Variants in HIVEP3 observed in about 807,000 individuals in gnomAD.
The protein encoded by HIVEP3 is HIVEP zinc finger 3.
Under a neutral mutation model 152.8 loss-of-function variants are expected in HIVEP3, and 49 were observed. The observed-to-expected ratio is 0.32, with a 90% CI of 0.26 to 0.41. The LOEUF (loss-of-function observed/expected upper bound fraction) is 0.41, where lower values mean the gene tolerates loss of function less well. Among genes scored for constraint, HIVEP3 ranks in the 10% least tolerant of loss-of-function variants. The pLI, the probability that HIVEP3 is intolerant of heterozygous loss-of-function variation, is 1.00. For missense variants in HIVEP3, 2,790 were observed against 3,103.3 expected (o/e 0.90, Z 2.40); for synonymous variants, 1,269 against 1,289.0 (o/e 0.98, Z 0.33).
chr1:41,561,711 T>TA (rs796889705), intron 5 of HIVEP3, among the ~76,000 whole-genome samples: 1 of 15,106 alleles, frequency 6.6e-5, no homozygotes, highest in South Asian at 2.0e-3. Context: ...GACAAGGCTT[T>TA]ACCACGTTGC....
intron 1 of HIVEP3, among the ~76,000 whole-genome samples, chr1:41,903,894 CT>C (rs200511304): frequency 2.5e-5 from 3 of 120,292 alleles, no homozygotes; most frequent in African/African-American, 6.9e-5. Flanking sequence ...GACCATTTTC[CT>C]TTTTTTTTCT....
rs778460540 is a variant in HIVEP3, at chr1:41,579,881, A to G, written c.4917T>C (p.Leu1639=). Residue 1639 remains leucine, a synonymous_variant, in exon 4 of 9, where the codon CTT becomes CTC. Transcript: ENST00000372583. ...GWCISLYNPN[L]PGVSTKAALS... ...AAGCAGCTTTAGTGGAAACCCCCGG[A>G]AGGTTGGGGTTGTACAAACTTATGC... is the stretch of plus-strand genomic sequence containing the variant. 13 of 1,614,100 alleles carry G rather than the reference A, an allele frequency of 8.1e-6. No homozygotes were observed. In the Admixed American group the frequency reaches 1.8e-4, roughly 23 times the overall value.
At chr1:41,548,068 C>T (rs980781575) in intron 5 of HIVEP3, among the ~76,000 whole-genome samples, 9 of 152,206 alleles carry the variant, frequency 5.9e-5, no homozygotes, top group African/African-American at 2.2e-4. Flanking sequence ...CCCCAATCCT[C>T]AGACCTCAGC....
intron 1 of HIVEP3, among the ~76,000 whole-genome samples, chr1:41,850,101 C>T (rs1054619633): frequency 3.3e-5 from 5 of 152,186 alleles, no homozygotes; most frequent in African/African-American, 4.8e-5. Flanking sequence ...TACACTCCTA[C>T]GGTTTTTTAA....
At chr1:41,644,667 A>AT (rs1334826695) in intron 2 of HIVEP3, among the ~76,000 whole-genome samples, 1 of 132,136 alleles carries the variant, frequency 7.6e-6, no homozygotes, top group African/African-American at 2.8e-5. Flanking sequence ...TAACCCAGGG[A>AT]TTTAAAGCAC....
intron 2 of HIVEP3, among the ~76,000 whole-genome samples, chr1:41,668,625 C>T (rs1645830517): frequency 6.6e-6 from 1 of 152,212 alleles, no homozygotes; most frequent in Admixed American, 6.5e-5. Context: ...GCATGCCCTT[C>T]CTCCTCCTAT....
chr1:41,635,672 A>C (rs1276604480), intron 2 of HIVEP3, among the ~76,000 whole-genome samples: 1 of 150,750 alleles, frequency 6.6e-6, no homozygotes, highest in African/African-American at 2.4e-5. Context: ...ATATACATAC[A>C]TAGCTGCAAG....
intron 5 of HIVEP3, chr1:41,543,957 G>C (rs1451225702): frequency 6.6e-6 from 1 of 152,228 alleles, no homozygotes; most frequent in Non-Finnish European, 1.5e-5. Flanking sequence ...TGGCCTTGCT[G>C]TTGTTCATTC....
intron 7 of HIVEP3, among the ~76,000 whole-genome samples, chr1:41,514,772 C>CA (rs2149047888): frequency 6.6e-6 from 1 of 152,344 alleles, no homozygotes; most frequent in South Asian, 2.1e-4. Context: ...AAACAAAAAA[C>CA]AAAATTGTGA....
chr1:41,518,431 CCT>C lies in HIVEP3; in HGVS notation c.5439_5440del (p.Val1815AlafsTer12). On this transcript the variant is annotated frameshift_variant, in exon 7 of 9. Coordinates refer to ENST00000372583, the MANE Select transcript of HIVEP3 (RefSeq NM_024503.5). LOFTEE classifies it high-confidence loss of function. ...TTCGGCTTCCAGCTCCTCCAGCACC[CCT>C]GTCTCTTGGCACTTTTTGCTGTGGG... 6.2e-7 allele frequency: 1 copy of C among 1,614,208 alleles called. No homozygotes were observed. Among genetic ancestry groups the C allele is most frequent in the Non-Finnish European group, 8.5e-7 (1 of 1,180,030 alleles).
intron 1 of HIVEP3, among the ~76,000 whole-genome samples, chr1:41,730,696 C>A (rs55837263): frequency 3.9e-5 from 6 of 152,210 alleles, no homozygotes; most frequent in Non-Finnish European, 8.8e-5. Context: ...ACAGGCCCAA[C>A]GTCAGGTGGC....
At chr1:41,827,558 C>T (rs1439211589) in intron 1 of HIVEP3, among the ~76,000 whole-genome samples, 1 of 152,174 alleles carries the variant, frequency 6.6e-6, no homozygotes, top group Non-Finnish European at 1.5e-5. Context: ...GAGTCAATCC[C>T]ACTTTCCCCT....
intron 2 of HIVEP3, among the ~76,000 whole-genome samples, chr1:41,655,060 C>T (rs897990144): frequency 7.2e-5 from 11 of 152,122 alleles, no homozygotes; most frequent in Admixed American, 2.0e-4. Flanking sequence ...GTTGCTGTAA[C>T]GATTATCATT....
intron 3 of HIVEP3, among the ~76,000 whole-genome samples, chr1:41,625,162 C>CAAAAAAAA (rs59268661): frequency 1.5e-4 from 11 of 71,274 alleles, no homozygotes; most frequent in Admixed American, 6.9e-4. Context: ...GATTCCAACT[C>CAAAAAAAA]AAAAAAAAAA....
At chr1:41,523,760 A>C (rs1642825880) in intron 6 of HIVEP3, among the ~76,000 whole-genome samples, 1 of 152,178 alleles carries the variant, frequency 6.6e-6, no homozygotes, top group Admixed American at 6.5e-5. Context: ...CCCCCTGAGA[A>C]ACCGTGGGGC....
intron 5 of HIVEP3, among the ~76,000 whole-genome samples, chr1:41,563,821 C>A (rs765746681): frequency 6.6e-6 from 1 of 152,044 alleles, no homozygotes; most frequent in Admixed American, 6.5e-5. Flanking sequence ...TAACAACTAA[C>A]GTTAATAGCC....
chr1:42,007,129 C>T (rs928521875), intron 1 of HIVEP3, among the ~76,000 whole-genome samples: 2 of 152,170 alleles, frequency 1.3e-5, no homozygotes, highest in African/African-American at 4.8e-5. Context: ...AAGTATTCAA[C>T]TTACATGGAC....
chr1:41,716,024 T>C (rs1344575084), intron 1 of HIVEP3, among the ~76,000 whole-genome samples: 1 of 151,842 alleles, frequency 6.6e-6, no homozygotes, highest in Non-Finnish European at 1.5e-5. Context: ...GAGTTTGAGG[T>C]AGTCCTTGAA....
chr1:41,561,982 C>T (rs533108732), intron 5 of HIVEP3, among the ~76,000 whole-genome samples: 4 of 151,934 alleles, frequency 2.6e-5, no homozygotes, highest in South Asian at 2.1e-4. Context: ...ATCAGAATCA[C>T]GCTAGTGGAG....
Sources: allele counts gnomAD v4.1 joint callset (sites outside exome capture counted in the v4.1 genomes callset), GRCh38; gene constraint gnomAD v4.1.1; transcripts MANE v1.5; gene names NCBI Gene and HGNC (gene_info 2026-07-23, HGNC 2026-07-21).